Variants in NMBR observed in about 807,000 individuals in gnomAD.
NMBR encodes neuromedin-B receptor.
Under a neutral mutation model 20.5 loss-of-function variants are expected in NMBR, and 16 were observed. That is an observed-to-expected ratio of 0.78 (90% CI 0.53 to 1.19). The LOEUF is 1.19. NMBR is among the 50% of genes most tolerant of loss of function. The probability of loss-of-function intolerance (pLI) is 0.00; values close to 1 mark genes in which losing one functional copy is unlikely to be tolerated. For missense variants in NMBR, 582 were observed against 499.1 expected, an observed-to-expected ratio of 1.17 and a Z score of -1.58; for synonymous variants, 212 against 196.6, an observed-to-expected ratio of 1.08 and a Z score of -0.65.
At chr6:142,130,589 T>C (rs1212207344) in intron 1 of NMBR, among the ~76,000 whole-genome samples, 1 of 152,128 alleles carries the variant, frequency 6.6e-6, no homozygotes, top group Non-Finnish European at 1.5e-5. Flanking sequence ...ATATTAAATC[T>C]ATTACACAGA....
chr6:142,098,792 AG>A (rs1302332898), intron 1 of NMBR, among the ~76,000 whole-genome samples: 1 of 152,176 alleles, frequency 6.6e-6, no homozygotes, highest in Middle Eastern at 3.2e-3. Context: ...AATCCCAGAA[AG>A]GTAATCTGTG....
At chr6:142,142,165 T>G (rs80352140) in intron 1 of NMBR, among the ~76,000 whole-genome samples, 2,335 of 152,262 alleles carry the variant, frequency 0.015, 48 homozygotes, top group South Asian at 0.07. Context: ...AAAATATGAC[T>G]TATCCATATA....
At chr6:142,123,445 G>A (rs1393762718) in intron 1 of NMBR, among the ~76,000 whole-genome samples, 1 of 151,958 alleles carries the variant, frequency 6.6e-6, no homozygotes, top group Non-Finnish European at 1.5e-5. Flanking sequence ...AGTACATAAA[G>A]CAGCAGCAGG....
intron 1 of NMBR, among the ~76,000 whole-genome samples, chr6:142,142,538 G>A (rs897264725): frequency 8.5e-5 from 13 of 152,156 alleles, no homozygotes; most frequent in Non-Finnish European, 1.9e-4. Context: ...TTGATAAATA[G>A]CATCTAAGGA....
Position 142,075,479 on chromosome 6 carries a change from T to G in NMBR, c.*169A>C, listed in dbSNP as rs918234264. 10 of 565,996 alleles carry G rather than the reference T, an allele frequency of 1.8e-5. No individual in the cohort carries two copies. The highest frequency in any genetic ancestry group is 3.1e-5 in the Non-Finnish European group (10 of 327,084). 35.1% of individuals were successfully genotyped at this position (565,996 alleles called of 1,614,324 possible). On this transcript the variant is annotated 3_prime_UTR_variant, in exon 4 of 4. Coordinates refer to ENST00000258042, the MANE Select transcript of NMBR (RefSeq NM_002511.4). ...TTCTCATATTCTAATTATTAGGAAA[T>G]GAAAAGAGAAAAAATAAAGTCTAGT...
At chr6:142,108,325 G>A (rs1437879714) in intron 1 of NMBR, among the ~76,000 whole-genome samples, 1 of 152,036 alleles carries the variant, frequency 6.6e-6, no homozygotes, top group Non-Finnish European at 1.5e-5. Context: ...AATAAAAGCA[G>A]CATGATAAAA....
intron 1 of NMBR, among the ~76,000 whole-genome samples, chr6:142,104,967 T>C (rs2114584020): frequency 6.6e-6 from 1 of 152,170 alleles, no homozygotes; most frequent in African/African-American, 2.4e-5. Context: ...GCAATTTTTG[T>C]GGCAGGGGGT....
intron 1 of NMBR, among the ~76,000 whole-genome samples, chr6:142,140,920 G>A (rs1020746272): frequency 2.0e-5 from 3 of 152,060 alleles, no homozygotes; most frequent in African/African-American, 7.2e-5. Flanking sequence ...AGTTAATAGA[G>A]ATTCAGAATG....
intron 1 of NMBR, among the ~76,000 whole-genome samples, chr6:142,130,282 A>G (rs1326971969): frequency 6.6e-6 from 1 of 152,118 alleles, no homozygotes; most frequent in Non-Finnish European, 1.5e-5. Flanking sequence ...GAAAATATAG[A>G]GAGGTCAGGA....
intron 1 of NMBR, among the ~76,000 whole-genome samples, chr6:142,093,315 A>G (rs923900039): frequency 1.4e-5 from 1 of 73,792 alleles, no homozygotes; most frequent in African/African-American, 5.6e-5. Flanking sequence ...CCCCCACCCC[A>G]CAACAGTCCC....
chr6:142,086,472 TAACA>T (rs1777202449), intron 2 of NMBR, among the ~76,000 whole-genome samples: 1 of 152,080 alleles, frequency 6.6e-6, no homozygotes, highest in Admixed American at 6.6e-5. Flanking sequence ...AGACAATATA[TAACA>T]AACCATTTCC....
intron 1 of NMBR, among the ~76,000 whole-genome samples, chr6:142,126,925 G>T (rs948247351): frequency 6.6e-6 from 1 of 150,988 alleles, no homozygotes; most frequent in Non-Finnish European, 1.5e-5. Context: ...GGTTTTGAAG[G>T]CCTTTTACTT....
At chr6:142,081,709 T>G (rs1288158757) in intron 2 of NMBR, among the ~76,000 whole-genome samples, 1 of 152,232 alleles carries the variant, frequency 6.6e-6, no homozygotes, top group Non-Finnish European at 1.5e-5. Context: ...CAAATTAATG[T>G]GGACATGTTT....
chr6:142,117,882 T>A (rs1389959412), intron 1 of NMBR, among the ~76,000 whole-genome samples: 1 of 151,944 alleles, frequency 6.6e-6, no homozygotes, highest in Non-Finnish European at 1.5e-5. Context: ...TATCATTACA[T>A]CCAACATTGA....
chr6:142,134,566 C>A, intron 1 of NMBR: 1 of 594,688 alleles, frequency 1.7e-6, no homozygotes, highest in Non-Finnish European at 3.0e-6. Flanking sequence ...TGTCCTGGTT[C>A]CTGGAGCTCT....
chr6:142,106,022 A>T (rs1777655907), intron 1 of NMBR, among the ~76,000 whole-genome samples: 1 of 152,190 alleles, frequency 6.6e-6, no homozygotes, highest in South Asian at 2.1e-4. Context: ...TTAAGATTTT[A>T]AATTACTGAA....
In NMBR at chr6:142,104,201, A is replaced by G. The variant is rs996860442; in HGVS notation, c.-663-14880T>C. Among the ~76,000 whole-genome samples the G allele has an allele frequency of 5.9e-5, 9 of 152,212 alleles. 1 individual carries two copies. Among genetic ancestry groups the G allele is most frequent in the African/African-American group, 1.7e-4 (7 of 41,454 alleles). Reference sequence around the variant, plus strand: ...CATAAATGGTCATAGTTAAAGACACAACTGACAAGGAAATGTGGTCATTTC... The same window carrying G: ...CATAAATGGTCATAGTTAAAGACACGACTGACAAGGAAATGTGGTCATTTC... On this transcript the variant is annotated intron_variant, in intron 1 of 3. Coordinates refer to ENST00000258042, the MANE Select transcript of NMBR (RefSeq NM_002511.4).
chr6:142,081,124 T>C (rs1777085517), intron 2 of NMBR, among the ~76,000 whole-genome samples: 1 of 152,298 alleles, frequency 6.6e-6, no homozygotes, highest in Non-Finnish European at 1.5e-5. Context: ...TCTTGCTGTT[T>C]ATTCAAATGG....
intron 1 of NMBR, among the ~76,000 whole-genome samples, chr6:142,091,208 A>G (rs898953100): frequency 2.6e-5 from 4 of 152,178 alleles, no homozygotes; most frequent in African/African-American, 9.7e-5. Flanking sequence ...GTAAACATCT[A>G]CTGGAATGAA....
Sources: gnomAD v4.1 joint callset for allele counts (sites outside exome capture counted in the v4.1 genomes callset) on GRCh38, gnomAD v4.1.1 for gene constraint, MANE v1.5 for transcripts, NCBI Gene and HGNC (gene_info 2026-07-23, HGNC 2026-07-21) for gene names.